Variants in TMEFF2 observed in about 807,000 individuals in gnomAD.
TMEFF2 encodes the protein transmembrane protein with EGF like and two follistatin like domains 2.
TMEFF2 carries 28 observed loss-of-function variants against 53.8 expected under a neutral mutation model. That is an observed-to-expected ratio of 0.52 (90% CI 0.39 to 0.71). TMEFF2 has a LOEUF of 0.71. TMEFF2 is among the 30% of genes least tolerant of loss of function. TMEFF2 has a pLI of 0.00. For missense variants in TMEFF2, 353 were observed against 455.2 expected (o/e 0.78, Z 2.04); for synonymous variants, 162 against 166.3 (o/e 0.97, Z 0.20).
chr2:192,114,100 G>A (rs1275748404), intron 4 of TMEFF2, among the ~76,000 whole-genome samples: 1 of 150,192 alleles, frequency 6.7e-6, no homozygotes, highest in Non-Finnish European at 1.5e-5. Context: ...GTGTGTGTGT[G>A]TGTGTGTGAT....
At chr2:192,070,232 A>G (rs1688264886) in intron 4 of TMEFF2, among the ~76,000 whole-genome samples, 1 of 151,704 alleles carries the variant, frequency 6.6e-6, no homozygotes, top group Non-Finnish European at 1.5e-5. Flanking sequence ...CATATTGGTA[A>G]CAATAATAAA....
intron 7 of TMEFF2, among the ~76,000 whole-genome samples, chr2:191,980,499 G>A (rs1685829723): frequency 6.6e-6 from 1 of 152,106 alleles, no homozygotes; most frequent in Non-Finnish European, 1.5e-5. Context: ...GAAGCAAGAA[G>A]AAAGGAAGAA....
At chr2:192,140,572 T>C (rs1161388069) in intron 4 of TMEFF2, among the ~76,000 whole-genome samples, 1 of 152,032 alleles carries the variant, frequency 6.6e-6, no homozygotes, top group Non-Finnish European at 1.5e-5. Flanking sequence ...ATGACCAGAA[T>C]GGAGCCATAT....
At position 192,194,604 on chromosome 2, in the gene TMEFF2, G is replaced by A. The variant is rs1319536652; in HGVS notation, c.-80C>T. On this transcript the variant is annotated 5_prime_UTR_variant, in exon 1 of 10. Coordinates refer to ENST00000272771, the MANE Select transcript of TMEFF2 (RefSeq NM_016192.4). This position sits in a 1 kb window ranked among gnomAD's most constrained non-coding sequence, Gnocchi z 4.2. Reference sequence around the variant, plus strand: ...CGGGGGCCGGGCAGCGGGCTACTGAGCATCCCGCGGACGGCGGCAGCAGAG... The same window carrying A: ...CGGGGGCCGGGCAGCGGGCTACTGAACATCCCGCGGACGGCGGCAGCAGAG... 8.5e-6 allele frequency: 13 copies of A among 1,522,074 alleles called. No homozygotes were observed. The highest frequency in any genetic ancestry group is 5.5e-5 in the African/African-American group (4 of 72,828). The allele number at this position is 1,522,074 out of a possible 1,614,324, so 94.3% of individuals were successfully genotyped here. A position where few individuals can be genotyped will look rare whatever the true frequency, so the allele number is the denominator to read the frequency against.
chr2:192,170,343 T>C (rs1690877203), intron 4 of TMEFF2, among the ~76,000 whole-genome samples: 2 of 152,232 alleles, frequency 1.3e-5, no homozygotes, highest in Admixed American at 6.5e-5. Flanking sequence ...ATATCTGTAA[T>C]GACTTTCACA....
chr2:192,147,240 T>C (rs1255313516), intron 4 of TMEFF2, among the ~76,000 whole-genome samples: 3 of 152,028 alleles, frequency 2.0e-5, no homozygotes, highest in African/African-American at 7.2e-5. Flanking sequence ...ATATATAAAT[T>C]CAGATAGACA....
chr2:192,077,599 T>C (rs1688461819), intron 4 of TMEFF2, among the ~76,000 whole-genome samples: 2 of 152,098 alleles, frequency 1.3e-5, no homozygotes, highest in Admixed American at 1.3e-4. Context: ...CAAGGGTGTC[T>C]TTCTTCTACT....
At chr2:192,066,917 T>C (rs2884027) in intron 4 of TMEFF2, among the ~76,000 whole-genome samples, 62,602 of 151,718 alleles carry the variant, frequency 0.41, 14,682 homozygotes, top group East Asian at 0.55. Flanking sequence ...CATATTCATA[T>C]AAATGGTTTT....
At chr2:192,128,596 T>C (rs149745768) in intron 4 of TMEFF2, among the ~76,000 whole-genome samples, 1 of 152,328 alleles carries the variant, frequency 6.6e-6, no homozygotes, top group Non-Finnish European at 1.5e-5. Context: ...TTTTAATTCT[T>C]GTGCAACTCA....
At chr2:192,094,879 G>A (rs1688868118) in intron 4 of TMEFF2, among the ~76,000 whole-genome samples, 1 of 152,080 alleles carries the variant, frequency 6.6e-6, no homozygotes, top group South Asian at 2.1e-4. Context: ...AAATAATATA[G>A]AACAATTAGT....
chr2:191,998,145 G>GCT, intron 7 of TMEFF2, 117 bp downstream of exon 7: 1 of 774,918 alleles, frequency 1.3e-6, no homozygotes, highest in Non-Finnish European at 2.0e-6. Flanking sequence ...GCAAGAGAAG[G>GCT]CTAGCACATG....
intron 4 of TMEFF2, among the ~76,000 whole-genome samples, chr2:192,065,803 C>T (rs1688156998): frequency 1.3e-5 from 2 of 151,650 alleles, no homozygotes; most frequent in South Asian, 2.1e-4. Context: ...TGAGTTTACG[C>T]TCAAATAAAG....
chr2:191,974,448 T>C (rs1388218451), intron 7 of TMEFF2, among the ~76,000 whole-genome samples: 2 of 152,148 alleles, frequency 1.3e-5, no homozygotes, highest in Admixed American at 6.6e-5. Context: ...TATATATCTT[T>C]TTCTTAAAAA....
intron 5 of TMEFF2, among the ~76,000 whole-genome samples, chr2:192,049,838 A>G (rs934123287): frequency 3.9e-5 from 6 of 152,108 alleles, no homozygotes; most frequent in African/African-American, 1.4e-4. Context: ...CATCTCTACT[A>G]AAAATACAAA....
chr2:192,142,968 A>G (rs1690171982), intron 4 of TMEFF2, among the ~76,000 whole-genome samples: 1 of 152,200 alleles, frequency 6.6e-6, no homozygotes, highest in African/African-American at 2.4e-5. Flanking sequence ...CTGATTAAAC[A>G]TATTACTTGC....
intron 5 of TMEFF2, among the ~76,000 whole-genome samples, chr2:192,004,122 G>A (rs895303939): frequency 3.3e-5 from 5 of 152,152 alleles, no homozygotes; most frequent in African/African-American, 1.2e-4. Flanking sequence ...TACTGAGAAT[G>A]GCAGATGGTG....
At chr2:192,134,255 G>A (rs1303936446) in intron 4 of TMEFF2, among the ~76,000 whole-genome samples, 1 of 152,030 alleles carries the variant, frequency 6.6e-6, no homozygotes, top group Non-Finnish European at 1.5e-5. Flanking sequence ...TTCCTGGCCC[G>A]GACTTCAATA....
chr2:192,074,104 C>T (rs919436105), intron 4 of TMEFF2, among the ~76,000 whole-genome samples: 1 of 151,912 alleles, frequency 6.6e-6, no homozygotes, highest in Non-Finnish European at 1.5e-5. Context: ...GAGTGGGTAC[C>T]TATAGTTCCT....
At chr2:192,134,351 C>T (rs926809121) in intron 4 of TMEFF2, among the ~76,000 whole-genome samples, 1 of 152,158 alleles carries the variant, frequency 6.6e-6, no homozygotes, top group Non-Finnish European at 1.5e-5. Context: ...CATTTCCCCA[C>T]ATTTCCTTCT....
Sources: allele counts gnomAD v4.1 joint callset (sites outside exome capture counted in the v4.1 genomes callset), GRCh38; gene constraint gnomAD v4.1.1; non-coding constraint Gnocchi (gnomAD v3.1); transcripts MANE v1.5; gene names NCBI Gene and HGNC (gene_info 2026-07-23, HGNC 2026-07-21).